The following KTN1 variants were observed in gnomAD, a reference collection of about 807,000 sequenced individuals.
KTN1 encodes the protein kinectin 1.
A neutral mutation model predicts 222.5 loss-of-function variants in KTN1; 130 were observed. That is an observed-to-expected ratio of 0.58 (90% CI 0.51 to 0.68). The LOEUF (loss-of-function observed/expected upper bound fraction) is 0.68. Among genes scored for constraint, KTN1 ranks in the 30% least tolerant of loss-of-function variants. The pLI is 0.00. For missense variants in KTN1, 1,508 were observed against 1,500.4 expected (o/e 1.01, Z -0.08); for synonymous variants, 512 against 496.3 (o/e 1.03, Z -0.42).
intron 33 of KTN1, among the ~76,000 whole-genome samples, chr14:55,666,828 T>A (rs1459444681): frequency 2.0e-5 from 3 of 151,998 alleles, no homozygotes; most frequent in African/African-American, 7.2e-5. Flanking sequence ...ATGCATTTTT[T>A]AATAGAGATA....
chr14:55,597,783 G>A (rs894322621), intron 1 of KTN1, among the ~76,000 whole-genome samples: 5 of 152,266 alleles, frequency 3.3e-5, no homozygotes, highest in Admixed American at 2.6e-4. Flanking sequence ...GAGCCCGGGA[G>A]GGGGAGGATG....
intron 37 of KTN1, 36 bp downstream of exon 37, chr14:55,671,913 C>T (rs1245793828): frequency 1.1e-5 from 14 of 1,229,644 alleles, no homozygotes; most frequent in Non-Finnish European, 1.4e-5. Flanking sequence ...CAGTGGTTCT[C>T]GATGTGTGGG....
chr14:55,639,082 A>G (rs1043284515), intron 12 of KTN1, 103 bp from the exon 13 acceptor site: 4 of 738,310 alleles, frequency 5.4e-6, no homozygotes, highest in African/African-American at 3.5e-5. Flanking sequence ...ATAACAATTT[A>G]TATACATTAA....
chr14:55,649,344 G>A (rs572850194), intron 21 of KTN1, among the ~76,000 whole-genome samples: 1 of 141,378 alleles, frequency 7.1e-6, no homozygotes, highest in African/African-American at 2.6e-5. Flanking sequence ...CAGTAATAGA[G>A]GCTGCAATTT....
chr14:55,645,404 A>G (rs1370916452), intron 18 of KTN1, among the ~76,000 whole-genome samples: 1 of 152,190 alleles, frequency 6.6e-6, no homozygotes, highest in African/African-American at 2.4e-5. Flanking sequence ...GTAAGCCACT[A>G]AAGAGTGTTG....
intron 32 of KTN1, 27 bp from the exon 33 acceptor site, chr14:55,663,928 G>T (rs757350538): frequency 4.1e-5 from 64 of 1,545,616 alleles, no homozygotes; most frequent in East Asian, 2.3e-5. Context: ...TGGATAAACT[G>T]AAATCATTCT....
At chr14:55,646,886 C>T (rs369123366) in intron 18 of KTN1, 87 bp from the exon 19 acceptor site, 37 of 848,550 alleles carry the variant, frequency 4.4e-5, no homozygotes, top group African/African-American at 3.4e-4. Flanking sequence ...TAACCCTAAA[C>T]AATTTTCACA....
At chr14:55,679,244 ACTTT>A in intron 42 of KTN1, 1 of 249,238 alleles carries the variant, frequency 4.0e-6, no homozygotes, top group Non-Finnish European at 7.6e-6. Flanking sequence ...TTTGGAATGT[ACTTT>A]CTTTTGCGGG....
intron 6 of KTN1, among the ~76,000 whole-genome samples, 158 bp from the exon 7 acceptor site, chr14:55,629,799 T>A (rs903433699): frequency 3.9e-5 from 6 of 152,260 alleles, no homozygotes; most frequent in Non-Finnish European, 4.4e-5. Context: ...AAGACTGTTT[T>A]TAAAATCTTT....
chr14:55,666,783 A>G (rs1309653649), intron 33 of KTN1, among the ~76,000 whole-genome samples: 1 of 152,004 alleles, frequency 6.6e-6, no homozygotes, highest in Non-Finnish European at 1.5e-5. Context: ...GAGAGTTACC[A>G]TTTTAATGCC....
Position 55,650,005 on chromosome 14 carries a change from A to G in KTN1, c.2405+192A>G, listed in dbSNP as rs533817942. Among the ~76,000 whole-genome samples, 3 of 151,774 alleles carry G rather than the reference A, an allele frequency of 2.0e-5. No homozygotes were observed. The East Asian group carries it at 5.8e-4, about 29-fold the overall frequency. ...AAATTCAGTATAATTAAAAAAAAAA[A>G]AACAAAAAAAAACTATTTCCAGAGG... is the stretch of plus-strand genomic sequence containing the variant. On this transcript the variant is annotated intron_variant, in intron 22 of 43. Transcript: ENST00000395314.
At chr14:55,668,810 A>G (rs2342581) in intron 34 of KTN1, 7 of 152,136 alleles carry the variant, frequency 4.6e-5, no homozygotes, top group Non-Finnish European at 8.8e-5. Flanking sequence ...TGGGGTAAGT[A>G]AACTTAATGG....
At position 55,636,514 on chromosome 14, in the gene KTN1, G is replaced by A. The variant is rs775031011; in HGVS notation, c.1527G>A (p.Ala509=). The change falls in exon 10 of 44, where the codon GCG becomes GCA. Residue 509 remains alanine, a synonymous_variant. Coordinates refer to ENST00000395314, the MANE Select transcript of KTN1 (RefSeq NM_001079521.2). ...EVQSYIRKRT[A]EHEAAQQDLQ... ...AGAGCTACATCAGGAAGAGAACAGC[G>A]GAACATGAGGCAGCACAGCAAGGTA... The A allele has an allele frequency of 3.0e-5, 48 of 1,609,662 alleles. No homozygotes were observed. The highest frequency in any genetic ancestry group is 2.2e-4 in the East Asian group (10 of 44,772).
At chr14:55,673,324 C>A in intron 40 of KTN1, 69 bp downstream of exon 40, 1 of 974,554 alleles carries the variant, frequency 1.0e-6, no homozygotes, top group Non-Finnish European at 1.6e-6. Flanking sequence ...GTGGAGAAAC[C>A]ATCCAGGCTT....
At chr14:55,660,761 G>A (rs2044049675) in intron 31 of KTN1, among the ~76,000 whole-genome samples, 1 of 152,012 alleles carries the variant, frequency 6.6e-6, no homozygotes, top group South Asian at 2.1e-4. Flanking sequence ...TTATACATGT[G>A]TATATATATG....
intron 30 of KTN1, among the ~76,000 whole-genome samples, chr14:55,659,223 C>T (rs751598971): frequency 3.3e-5 from 5 of 151,562 alleles, no homozygotes; most frequent in African/African-American, 4.8e-5. Flanking sequence ...ATATGAAGGG[C>T]TGTGTACCTT....
At chr14:55,611,625 A>G (rs2037591865) in intron 1 of KTN1, among the ~76,000 whole-genome samples, 1 of 152,160 alleles carries the variant, frequency 6.6e-6, no homozygotes, top group South Asian at 2.1e-4. Context: ...TGAGTTGGTA[A>G]TAGTACCTCC....
At chr14:55,611,666 G>A (rs2037599097) in intron 1 of KTN1, among the ~76,000 whole-genome samples, 1 of 152,046 alleles carries the variant, frequency 6.6e-6, no homozygotes, top group Non-Finnish European at 1.5e-5. Context: ...TATCAACACT[G>A]TACAATAAAC....
Position 55,612,136 on chromosome 14 carries a change from A to G in KTN1, c.88A>G (p.Lys30Glu). Residue 30 changes from lysine to glutamate, a missense_variant, in exon 2 of 44, where the codon AAA becomes GAA. Physicochemically the swap from Lys to Glu is moderately conservative, Grantham distance 56. Transcript: ENST00000395314. ...TTTCCTCTTCTTCTGGCTTTTCATG[A>G]AAGAAACATTATATGATGAAGTTCT... is the stretch of plus-strand genomic sequence containing the variant. ...VIFLFFWLFM[K>E]ETLYDEVLAK... 1.3e-6 allele frequency: 2 copies of G among 1,571,934 alleles called. No individual in the cohort carries two copies. The highest frequency in any genetic ancestry group is 1.7e-6 in the Non-Finnish European group (2 of 1,167,072).
Sources: gnomAD v4.1 joint callset for allele counts (sites outside exome capture counted in the v4.1 genomes callset) on GRCh38, gnomAD v4.1.1 for gene constraint, MANE v1.5 for transcripts, NCBI Gene and HGNC (gene_info 2026-07-23, HGNC 2026-07-21) for gene names.